AK7: variants seen among roughly 807,000 people sequenced by gnomAD.
The protein encoded by AK7 is ATP-AMP transphosphorylase 7.
AK7 carries 78 observed loss-of-function variants against 96.6 expected under a neutral mutation model. The observed-to-expected ratio is 0.81, with a 90% CI of 0.67 to 0.97. The LOEUF is 0.97. Among genes scored for constraint, AK7 ranks in the 50% least tolerant of loss-of-function variants. The pLI, the probability that AK7 is intolerant of heterozygous loss-of-function variation, is 0.00. For synonymous variants in AK7, 302 were observed against 317.2 expected (o/e 0.95, Z 0.51); for missense variants, 855 against 887.9 (o/e 0.96, Z 0.47).
Position 96,454,057 on chromosome 14 carries a change from G to A in AK7, c.1099-2290G>A, listed in dbSNP as rs565509561. ...TCCTCCCTATCCGATGGGACCACACGCGCCAGAGCCATCCATCATCCCTAT... is the reference window on the plus strand; with the variant it reads ...TCCTCCCTATCCGATGGGACCACACACGCCAGAGCCATCCATCATCCCTAT... On this transcript the variant is annotated intron_variant, in intron 10 of 17. Coordinates refer to ENST00000267584, the MANE Select transcript of AK7 (RefSeq NM_152327.5). 3.3e-4 allele frequency among the ~76,000 whole-genome samples: 50 copies of A among 152,108 alleles called. 3 individuals carry two copies. The highest frequency in any genetic ancestry group is 3.1e-3 in the South Asian group (15 of 4,806).
chr14:96,440,640 G>A (rs1892912076), intron 6 of AK7, among the ~76,000 whole-genome samples: 1 of 152,108 alleles, frequency 6.6e-6, no homozygotes, highest in Admixed American at 6.6e-5. Context: ...AGAAAATGGG[G>A]TAACCCTCCA....
chr14:96,417,690 C>T (rs1891423102), intron 4 of AK7, among the ~76,000 whole-genome samples: 2 of 152,196 alleles, frequency 1.3e-5, no homozygotes. Context: ...TCTTGGACTA[C>T]TCAAGTGGTT....
At chr14:96,400,176 C>G (rs559917780) in intron 2 of AK7, among the ~76,000 whole-genome samples, 164 of 151,526 alleles carry the variant, frequency 1.1e-3, no homozygotes, top group African/African-American at 3.7e-3. Flanking sequence ...GTAGCTGGGA[C>G]TACAAGCGCG....
chr14:96,477,480 T>G (rs552788264), intron 14 of AK7, among the ~76,000 whole-genome samples: 1 of 152,238 alleles, frequency 6.6e-6, no homozygotes, highest in Non-Finnish European at 1.5e-5. Context: ...CAGACACTGA[T>G]CTGGGCACCA....
In AK7 at chr14:96,410,476, C is replaced by T. The variant is rs139572063; in HGVS notation, c.498+1535C>T. The stretch of plus-strand genomic sequence containing the variant: ...ACGATGTCCTCAGTGCTCACTGACT[C>T]TCTCTCTTTCTTTTATGGTTTCTTT... On this transcript the variant is annotated intron_variant, in intron 4 of 17. Transcript: ENST00000267584. 5.9e-3 allele frequency among the ~76,000 whole-genome samples: 900 copies of T among 152,272 alleles called. 6 individuals carry two copies. Among genetic ancestry groups the T allele is most frequent in the African/African-American group, 0.02 (847 of 41,544 alleles).
chr14:96,451,254 C>T (rs1008813923), intron 9 of AK7, among the ~76,000 whole-genome samples, 167 bp from the exon 10 acceptor site: 10 of 152,152 alleles, frequency 6.6e-5, no homozygotes, highest in African/African-American at 1.9e-4. Flanking sequence ...TTAGAAGTAA[C>T]GTAGTATCAC....
At chr14:96,478,437 C>A (rs747955000) in intron 14 of AK7, 28 bp from the exon 15 acceptor site, 5 of 1,612,406 alleles carry the variant, frequency 3.1e-6, no homozygotes, top group Non-Finnish European at 4.2e-6. Context: ...TGTATTGTGC[C>A]AACTCTGGAG....
At chr14:96,483,456 C>T (rs1369314579) in intron 16 of AK7, among the ~76,000 whole-genome samples, 4 of 150,976 alleles carry the variant, frequency 2.6e-5, no homozygotes, top group African/African-American at 9.7e-5. Context: ...GGGTCTGGCT[C>T]TGTCGCCCAG....
rs1384743269 is a variant in AK7, at chr14:96,430,311, G to A, written c.610-7524G>A. Among the ~76,000 whole-genome samples the A allele has an allele frequency of 7.0e-4, 105 of 150,928 alleles. 1 individual carries two copies. Among genetic ancestry groups the A allele is most frequent in the African/African-American group, 2.1e-3 (86 of 41,108 alleles). The stretch of plus-strand genomic sequence containing the variant: ...TGCCATTCTCCTGCCTCAGCCTCCC[G>A]AGTAGCTGGGACTACAGGCGCCCGC... On this transcript the variant is annotated intron_variant, in intron 5 of 17. Transcript: ENST00000267584.
At chr14:96,457,597 C>G (rs1894004572) in intron 11 of AK7, among the ~76,000 whole-genome samples, 3 of 151,956 alleles carry the variant, frequency 2.0e-5, no homozygotes, top group Admixed American at 6.6e-5. Context: ...AGCTGTGGTT[C>G]AAAGTATAGC....
chr14:96,432,197 C>A (rs1189607734), intron 5 of AK7, among the ~76,000 whole-genome samples: 1 of 139,398 alleles, frequency 7.2e-6, no homozygotes. Flanking sequence ...GGATTGCAAC[C>A]CCTGCTTTTT....
At chr14:96,426,456 C>T (rs368610557) in intron 5 of AK7, among the ~76,000 whole-genome samples, 10 of 152,086 alleles carry the variant, frequency 6.6e-5, no homozygotes, top group Non-Finnish European at 1.3e-4. Context: ...TACACACCAC[C>T]GTTAAAGTGT....
intron 5 of AK7, among the ~76,000 whole-genome samples, chr14:96,430,183 ATTTTT>A (rs555444267): frequency 3.4e-5 from 4 of 116,118 alleles, no homozygotes; most frequent in South Asian, 2.7e-4. Context: ...GGGCTGTTGA[ATTTTT>A]TTTTTTTTTT....
chr14:96,479,090 T>A (rs1032551503), intron 15 of AK7, among the ~76,000 whole-genome samples: 11 of 151,414 alleles, frequency 7.3e-5, no homozygotes, highest in Non-Finnish European at 1.6e-4. Flanking sequence ...TTTTTCTTTT[T>A]TTTTGAGATG....
intron 15 of AK7, among the ~76,000 whole-genome samples, chr14:96,479,313 G>A (rs1160558854): frequency 1.3e-5 from 2 of 151,674 alleles, no homozygotes; most frequent in Non-Finnish European, 2.9e-5. Flanking sequence ...TCCTGACCTC[G>A]TGATCTGCCC....
intron 12 of AK7, among the ~76,000 whole-genome samples, chr14:96,463,740 GA>G (rs989981960): frequency 2.8e-5 from 4 of 141,622 alleles, no homozygotes; most frequent in Non-Finnish European, 6.1e-5. Context: ...AAAAAAAAAG[GA>G]AAAAAAGAGA....
At chr14:96,437,146 G>A (rs1208169214) in intron 5 of AK7, among the ~76,000 whole-genome samples, 2 of 151,804 alleles carry the variant, frequency 1.3e-5, no homozygotes, top group Non-Finnish European at 2.9e-5. Context: ...CTATTTGATA[G>A]CACAGCAGGG....
chr14:96,438,381 G>C (rs188956790), intron 6 of AK7, among the ~76,000 whole-genome samples: 52 of 152,276 alleles, frequency 3.4e-4, no homozygotes, highest in Non-Finnish European at 5.9e-4. Flanking sequence ...GATTGGGGCT[G>C]TTATATCTTA....
chr14:96,429,601 A>C (rs1306376291), intron 5 of AK7, among the ~76,000 whole-genome samples: 1 of 152,164 alleles, frequency 6.6e-6, no homozygotes, highest in Non-Finnish European at 1.5e-5. Context: ...TGAGCATGGA[A>C]TGTTCTTCCA....
Sources: allele counts gnomAD v4.1 joint callset (sites outside exome capture counted in the v4.1 genomes callset), GRCh38; gene constraint gnomAD v4.1.1; transcripts MANE v1.5; gene names NCBI Gene and HGNC (gene_info 2026-07-23, HGNC 2026-07-21).